The following CAMK1 variants were observed in gnomAD, a reference collection of about 807,000 sequenced individuals.
CAMK1 encodes calcium/calmodulin dependent protein kinase I.
In CAMK1, 39 loss-of-function variants were observed where a neutral mutation model predicts 49.1. The observed-to-expected ratio is 0.79, with a 90% confidence interval of 0.62 to 1.04. The LOEUF (loss-of-function observed/expected upper bound fraction) is 1.04. Ranked by LOEUF, CAMK1 falls within the 50% of genes least tolerant of loss-of-function variation. The pLI is 0.00. For missense variants in CAMK1, 457 were observed against 472.2 expected (o/e 0.97, Z 0.30); for synonymous variants, 192 against 185.2 (o/e 1.04, Z -0.30).
intron 3 of CAMK1, among the ~76,000 whole-genome samples, chr3:9,764,571 C>T (rs956499969): frequency 6.7e-6 from 1 of 149,284 alleles, no homozygotes; most frequent in African/African-American, 2.5e-5. Context: ...TTCAGCCTCT[C>T]AAAGTGCTGG....
At position 9,760,717 on chromosome 3, in the gene CAMK1, T is replaced by C. The variant is rs1559696506; in HGVS notation, c.684A>G (p.Glu228=). 6.2e-7 allele frequency: 1 copy of C among 1,614,094 alleles called. No homozygotes were observed. Among genetic ancestry groups the C allele is most frequent in the Non-Finnish European group, 8.5e-7 (1 of 1,180,000 alleles). The part of the protein sequence containing the change: ...FYDENDAKLF[E]QILKAEYEFD... ...ACTCGTACTCGGCCTTCAAAATCTG[T>C]TCAAAGAGTTTGGCATCATTCTCGT... The change falls in exon 8 of 12, where the codon GAA becomes GAG. Residue 228 remains glutamate, a synonymous_variant. Coordinates refer to ENST00000256460, the MANE Select transcript of CAMK1 (RefSeq NM_003656.5).
At chr3:9,764,550 G>A (rs2078046185) in intron 3 of CAMK1, among the ~76,000 whole-genome samples, 1 of 150,988 alleles carries the variant, frequency 6.6e-6, no homozygotes, top group Admixed American at 6.6e-5. Flanking sequence ...CACCTCAGGT[G>A]ATCTGCCCAC....
rs193004936 is a variant in CAMK1 at position 9,769,461 on chromosome 3, G to A, written c.-33+371C>T. 1.6e-3 allele frequency among the ~76,000 whole-genome samples: 245 copies of A among 152,008 alleles called. 3 individuals are homozygous for A. Among genetic ancestry groups the A allele is most frequent in the Admixed American group, 0.011 (163 of 15,280 alleles). ...CACAAAACACGTGGACACCCCTCTGGAACAAAAAACACACAGATTCCCAGA... is the reference window on the plus strand; with the variant it reads ...CACAAAACACGTGGACACCCCTCTGAAACAAAAAACACACAGATTCCCAGA... On this transcript the variant is annotated intron_variant, in intron 1 of 11. Coordinates refer to ENST00000256460, the MANE Select transcript of CAMK1 (RefSeq NM_003656.5).
At chr3:9,764,617 G>GTTTTTTTT (rs202012854) in intron 3 of CAMK1, among the ~76,000 whole-genome samples, 2 of 93,458 alleles carry the variant, frequency 2.1e-5, no homozygotes, top group Non-Finnish European at 2.2e-5. Flanking sequence ...TGGCGTTTTT[G>GTTTTTTTT]TTTTTTTTTT....
At chr3:9,762,882 A>G in intron 5 of CAMK1, 32 bp downstream of exon 5, 1 of 1,610,914 alleles carries the variant, frequency 6.2e-7, no homozygotes. Flanking sequence ...ACCCCTGGGT[A>G]CCCTAGCTCA....
chr3:9,769,351 C>G (rs1344214321), intron 1 of CAMK1, among the ~76,000 whole-genome samples: 5 of 152,296 alleles, frequency 3.3e-5, no homozygotes, highest in Admixed American at 1.3e-4. Flanking sequence ...CAAGTCCTTA[C>G]ACACCTAACT....
At chr3:9,761,879 G>T in intron 5 of CAMK1, 122 bp from the exon 6 acceptor site, 1 of 1,428,874 alleles carries the variant, frequency 7.0e-7, no homozygotes, top group Non-Finnish European at 9.3e-7. Context: ...TGGCTTCATG[G>T]CTGTCATAAG....
chr3:9,757,811 CAT>C lies in CAMK1; in HGVS notation c.946_947del (p.Met316GlufsTer113). The C allele has an allele frequency of 1.2e-6, 2 of 1,613,212 alleles. No homozygotes were observed. The highest frequency in any genetic ancestry group is 1.7e-6 in the Non-Finnish European group (2 of 1,179,258). ...GGCTGGTGCCCAGCTGCAGTTTCCT[CAT>C]GTGCCGCACCACAGCCGTGGCATTG... ...AFNATAVVRH[M>X]RKLQLGTSQE... On this transcript the variant is annotated frameshift_variant, in exon 11 of 12. Coordinates refer to ENST00000256460, the MANE Select transcript of CAMK1 (RefSeq NM_003656.5). LOFTEE classifies it high-confidence loss of function. The surrounding 1 kb of genome is among the most constrained non-coding windows in gnomAD (Gnocchi z 4.5).
chr3:9,764,688 C>T (rs1352691530), intron 3 of CAMK1, among the ~76,000 whole-genome samples: 2 of 135,036 alleles, frequency 1.5e-5, no homozygotes, highest in African/African-American at 2.8e-5. Context: ...GAGTGTAATG[C>T]ACGGTGTGAT....
chr3:9,758,584 A>G (rs2077697193), intron 10 of CAMK1: 1 of 156,304 alleles, frequency 6.4e-6, no homozygotes, highest in South Asian at 1.9e-4. Flanking sequence ...CAGCCTCCTA[A>G]TGCGTCACCC....
chr3:9,765,896 G>A lies in CAMK1; in HGVS notation c.84-6C>T, dbSNP rs1420509751. ...TCACCTCCGAGAAGGCCCCCCTATC[G>A]GGAGAGGGGATTCACAAGGTGAAGA... On this transcript the variant is annotated splice_polypyrimidine_tract_variant and splice_region_variant and intron_variant, in intron 2 of 11. Transcript: ENST00000256460. The A allele has an allele frequency of 8.1e-6, 13 of 1,613,658 alleles. No homozygotes were observed. Among genetic ancestry groups the A allele is most frequent in the Middle Eastern group, 1.7e-4 (1 of 6,060 alleles).
intron 5 of CAMK1, 113 bp from the exon 6 acceptor site, chr3:9,761,870 G>GACA (rs1415643869): frequency 6.3e-5 from 91 of 1,452,612 alleles, no homozygotes; most frequent in Non-Finnish European, 7.7e-5. Flanking sequence ...AAGCCACTGT[G>GACA]GCTTCATGGC....
intron 2 of CAMK1, among the ~76,000 whole-genome samples, chr3:9,767,296 A>T (rs1352667411): frequency 3.3e-5 from 5 of 152,172 alleles, no homozygotes; most frequent in Non-Finnish European, 7.3e-5. Flanking sequence ...CATGTCTGGG[A>T]TCAACTTGAA....
chr3:9,761,294 T>C lies in CAMK1; in HGVS notation c.632+167A>G. 5.6e-6 allele frequency: 4 copies of C among 711,830 alleles called. No homozygotes were observed. In the South Asian group the frequency reaches 8.1e-5, roughly 14 times the overall value. The allele number at this position is 711,830 out of a possible 1,614,324, so 44.1% of individuals were successfully genotyped here. Reference sequence around the variant, plus strand: ...CCCCAGTGCTTGCTTGGCACAGTGCTTGAAACATAGTATCTATTGAATGAA... The same window carrying C: ...CCCCAGTGCTTGCTTGGCACAGTGCCTGAAACATAGTATCTATTGAATGAA... On this transcript the variant is annotated intron_variant, in intron 7 of 11. Coordinates refer to ENST00000256460, the MANE Select transcript of CAMK1 (RefSeq NM_003656.5).
Position 9,767,788 on chromosome 3 carries a change from G to A in CAMK1, c.-32-7C>T. Reference sequence around the variant, plus strand: ...CCGACCACAGCCAGGGCTCCTGTAAGGAGAATGGAAGGAGGAGACTCAGCA... The same window carrying A: ...CCGACCACAGCCAGGGCTCCTGTAAAGAGAATGGAAGGAGGAGACTCAGCA... On this transcript the variant is annotated splice_region_variant and splice_polypyrimidine_tract_variant and intron_variant, in intron 1 of 11. Coordinates refer to ENST00000256460, the MANE Select transcript of CAMK1 (RefSeq NM_003656.5). The A allele has an allele frequency of 6.2e-7, 1 of 1,612,424 alleles. No individual in the cohort carries two copies. Among genetic ancestry groups the A allele is most frequent in the Non-Finnish European group, 8.5e-7 (1 of 1,179,520 alleles).
At chr3:9,766,215 T>C (rs1165669810) in intron 2 of CAMK1, 1 of 732,878 alleles carries the variant, frequency 1.4e-6, no homozygotes. Context: ...GGGGAGAGCC[T>C]GCTTGGGAAT....
At position 9,757,373 on chromosome 3, in the gene CAMK1, A is replaced by G; in HGVS notation, c.*166T>C. ...GGTTTTATCTTCCCTTTATTACAAG[A>G]AGGAACAATAAAATAGAAACATTTG... is the stretch of plus-strand genomic sequence containing the variant. On this transcript the variant is annotated 3_prime_UTR_variant, in exon 12 of 12. Coordinates refer to ENST00000256460, the MANE Select transcript of CAMK1 (RefSeq NM_003656.5). The surrounding 1 kb of genome is among the most constrained non-coding windows in gnomAD (Gnocchi z 4.5). 1 of 1,613,584 alleles carries G rather than the reference A, an allele frequency of 6.2e-7. No homozygotes were observed.
intron 2 of CAMK1, among the ~76,000 whole-genome samples, chr3:9,767,312 G>A (rs113214804): frequency 2.7e-4 from 41 of 152,326 alleles, no homozygotes; most frequent in Admixed American, 9.8e-4. Flanking sequence ...TTGAAGGGCA[G>A]AGACCAGGTT....
chr3:9,763,346 T>C, intron 3 of CAMK1, 133 bp from the exon 4 acceptor site: 5 of 1,041,560 alleles, frequency 4.8e-6, no homozygotes, highest in South Asian at 4.4e-5. Flanking sequence ...TCTGTTATGA[T>C]TGCACCTGTG....
Sources: allele counts gnomAD v4.1 joint callset (sites outside exome capture counted in the v4.1 genomes callset), GRCh38; gene constraint gnomAD v4.1.1; non-coding constraint Gnocchi (gnomAD v3.1); transcripts MANE v1.5; gene names NCBI Gene and HGNC (gene_info 2026-07-23, HGNC 2026-07-21).